FRMD4A: variants seen among roughly 807,000 people sequenced by gnomAD.
FRMD4A encodes FERM domain-containing protein 4A.
In FRMD4A, 29 loss-of-function variants were observed where a neutral mutation model predicts 129.1. The ratio of observed to expected loss-of-function variants is 0.22; its 90% CI spans 0.17 to 0.31. FRMD4A has a LOEUF of 0.31. Among genes scored for constraint, FRMD4A ranks in the 10% least tolerant of loss-of-function variants. The pLI is 1.00. For missense variants in FRMD4A, 1,272 were observed against 1,375.8 expected (o/e 0.92, Z 1.19); for synonymous variants, 634 against 571.6 (o/e 1.11, Z -1.56).
chr10:13,734,298 T>C (rs1235947081), intron 12 of FRMD4A, among the ~76,000 whole-genome samples: 2 of 152,158 alleles, frequency 1.3e-5, no homozygotes, highest in Non-Finnish European at 2.9e-5. Context: ...GGGTTTTTCC[T>C]ATCCAGCCTC....
chr10:14,251,124 T>C (rs997357830), intron 2 of FRMD4A, among the ~76,000 whole-genome samples: 6 of 152,208 alleles, frequency 3.9e-5, no homozygotes, highest in African/African-American at 1.4e-4. Flanking sequence ...CTCTTGGTAG[T>C]TACTCCCAGT....
intron 2 of FRMD4A, among the ~76,000 whole-genome samples, chr10:14,306,158 G>A (rs1296967228): frequency 6.6e-6 from 1 of 152,212 alleles, no homozygotes; most frequent in Non-Finnish European, 1.5e-5. Flanking sequence ...GAAATTTAAA[G>A]TGGGGAAATC....
chr10:13,957,187 C>T (rs745378077), intron 2 of FRMD4A, among the ~76,000 whole-genome samples: 1 of 152,356 alleles, frequency 6.6e-6, no homozygotes, highest in East Asian at 1.9e-4. Context: ...CTGAAACTTT[C>T]AACAAACAGG....
intron 2 of FRMD4A, among the ~76,000 whole-genome samples, chr10:14,225,168 G>A (rs931080067): frequency 6.6e-6 from 1 of 152,146 alleles, no homozygotes; most frequent in Admixed American, 6.5e-5. Flanking sequence ...ATAAAACATT[G>A]CTGAAAAACA....
intron 2 of FRMD4A, among the ~76,000 whole-genome samples, chr10:14,126,000 A>C (rs2131818437): frequency 6.6e-6 from 1 of 152,238 alleles, no homozygotes; most frequent in African/African-American, 2.4e-5. Context: ...AGTGTATGAA[A>C]GACTTGCCTG....
rs1270606474 is a variant in FRMD4A, at chr10:13,652,075, A to G, written c.3051-101T>C. On this transcript the variant is annotated intron_variant, in intron 23 of 24. Coordinates refer to ENST00000357447, the MANE Select transcript of FRMD4A (RefSeq NM_018027.5). The stretch of plus-strand genomic sequence containing the variant: ...GATTAGTAGCTTATTAATATATCCG[A>G]AAGGCTTGCTGATTAGACACCTGAG... 3 of 763,736 alleles carry G rather than the reference A, an allele frequency of 3.9e-6. No homozygotes were observed. The African/African-American group carries it at 5.1e-5, about 13-fold the overall frequency. 47.3% of individuals were successfully genotyped at this position (763,736 alleles called of 1,614,324 possible).
chr10:14,130,393 T>G (rs1839178147), intron 2 of FRMD4A, among the ~76,000 whole-genome samples: 1 of 152,168 alleles, frequency 6.6e-6, no homozygotes, highest in Non-Finnish European at 1.5e-5. Flanking sequence ...CCCAAGTAGC[T>G]GGGACTGCAG....
intron 2 of FRMD4A, among the ~76,000 whole-genome samples, chr10:13,956,038 C>G (rs562015987): frequency 3.5e-4 from 54 of 152,158 alleles, no homozygotes; most frequent in Non-Finnish European, 6.9e-4. Flanking sequence ...AGGCAGATTC[C>G]CAGGAGTACT....
At chr10:14,279,858 T>G (rs146340232) in intron 2 of FRMD4A, among the ~76,000 whole-genome samples, 20 of 152,336 alleles carry the variant, frequency 1.3e-4, no homozygotes, top group African/African-American at 4.8e-4. Flanking sequence ...CTTCTGGGTC[T>G]CTCTAACTCA....
chr10:14,039,474 CTAT>C (rs1833690140), intron 2 of FRMD4A, among the ~76,000 whole-genome samples: 1 of 141,670 alleles, frequency 7.1e-6, no homozygotes, highest in African/African-American at 2.7e-5. Context: ...ATCTATCTAT[CTAT>C]CTATCTATCT....
intron 4 of FRMD4A, among the ~76,000 whole-genome samples, chr10:13,803,146 C>G (rs1474462715): frequency 2.8e-5 from 1 of 35,266 alleles, no homozygotes; most frequent in Non-Finnish European, 6.4e-5. Context: ...AAGATTCCAT[C>G]TCAAAAAAAA....
intron 12 of FRMD4A, among the ~76,000 whole-genome samples, chr10:13,711,498 C>T (rs1279711775): frequency 2.0e-5 from 3 of 152,250 alleles, no homozygotes; most frequent in Non-Finnish European, 4.4e-5. Flanking sequence ...GCTGCCAACA[C>T]ACTCTGCCTC....
At chr10:13,656,523 T>C in intron 22 of FRMD4A, 113 bp downstream of exon 22, 2 of 1,190,276 alleles carry the variant, frequency 1.7e-6, no homozygotes, top group Non-Finnish European at 2.1e-6. Flanking sequence ...AATTAATGAT[T>C]CCCGTTCCTC....
At chr10:13,749,405 T>TGAAG (rs1223550588) in intron 8 of FRMD4A, among the ~76,000 whole-genome samples, 3 of 152,160 alleles carry the variant, frequency 2.0e-5, no homozygotes. Context: ...GGTATAACTC[T>TGAAG]GAAGGAAGGA....
chr10:14,175,581 G>C (rs1384076390), intron 2 of FRMD4A, among the ~76,000 whole-genome samples: 1 of 147,808 alleles, frequency 6.8e-6, no homozygotes, highest in African/African-American at 2.5e-5. Flanking sequence ...CAGTACAGTG[G>C]TGCAATGATG....
chr10:13,959,802 T>C (rs375967740), intron 2 of FRMD4A, among the ~76,000 whole-genome samples: 2 of 152,048 alleles, frequency 1.3e-5, no homozygotes, highest in South Asian at 2.1e-4. Flanking sequence ...CAACACGGGG[T>C]CAGCTGCAAT....
At chr10:14,028,307 C>A (rs538985041) in intron 2 of FRMD4A, among the ~76,000 whole-genome samples, 3 of 152,210 alleles carry the variant, frequency 2.0e-5, no homozygotes, top group Non-Finnish European at 4.4e-5. Flanking sequence ...TTCTTCAAGA[C>A]CTTACAGACT....
At chr10:13,701,861 C>T (rs958074346) in intron 13 of FRMD4A, among the ~76,000 whole-genome samples, 1 of 152,182 alleles carries the variant, frequency 6.6e-6, no homozygotes, top group African/African-American at 2.4e-5. Flanking sequence ...AGGAAATGTG[C>T]CTACGGTGGG....
At chr10:13,858,625 G>A (rs1441646188) in intron 3 of FRMD4A, among the ~76,000 whole-genome samples, 1 of 152,184 alleles carries the variant, frequency 6.6e-6, no homozygotes, top group Non-Finnish European at 1.5e-5. Context: ...TGTAACAATA[G>A]GGTAGATGTA....
Sources: gnomAD v4.1 joint callset for allele counts (sites outside exome capture counted in the v4.1 genomes callset) on GRCh38, gnomAD v4.1.1 for gene constraint, MANE v1.5 for transcripts, NCBI Gene and HGNC (gene_info 2026-07-23, HGNC 2026-07-21) for gene names.